CAPN2: variants seen among roughly 807,000 people sequenced by gnomAD.
The protein encoded by CAPN2 is calpain 2, also known as calpain-2 catalytic subunit.
A neutral mutation model predicts 102.3 loss-of-function variants in CAPN2; 92 were observed. The observed-to-expected ratio is 0.90, with a 90% CI of 0.76 to 1.07. CAPN2 has a LOEUF of 1.07. Ranked by LOEUF, CAPN2 falls within the 50% of genes least tolerant of loss-of-function variation. The pLI is 0.00. For synonymous variants in CAPN2, 340 were observed against 355.4 expected, an observed-to-expected ratio of 0.96 and a Z score of 0.49; for missense variants, 800 against 909.4, an observed-to-expected ratio of 0.88 and a Z score of 1.55.
At chr1:223,710,986 A>T (rs899037842), upstream of CAPN2, among the ~76,000 whole-genome samples, 3 of 152,186 alleles carry the variant, frequency 2.0e-5, no homozygotes, top group African/African-American at 7.2e-5. Context: ...ACAGGTGTGC[A>T]TCTTCAACCA....
chr1:223,744,889 A>C (rs544251559), intron 3 of CAPN2, among the ~76,000 whole-genome samples: 6 of 94,736 alleles, frequency 6.3e-5, no homozygotes, highest in African/African-American at 3.5e-4. Context: ...TAAAAACACA[A>C]AAAAAATTAG....
chr1:223,722,281 C>CTTTTTTTTTTTTTTTT (rs34894876), intron 2 of CAPN2, among the ~76,000 whole-genome samples: 13 of 85,510 alleles, frequency 1.5e-4, no homozygotes, highest in East Asian at 8.5e-4. Flanking sequence ...TTCTTTCTTT[C>CTTTTTTTTTTTTTTTT]TTTTTTTTTT....
chr1:223,705,428 A>G (rs955398907), intron 1 of CAPN2, among the ~76,000 whole-genome samples: 2 of 152,176 alleles, frequency 1.3e-5, no homozygotes, highest in Admixed American at 1.3e-4. Flanking sequence ...CTTTCTTACC[A>G]GGTGAACTTG....
chr1:223,740,121 A>G (rs1447772977), intron 2 of CAPN2, among the ~76,000 whole-genome samples: 1 of 152,144 alleles, frequency 6.6e-6, no homozygotes, highest in Non-Finnish European at 1.5e-5. Flanking sequence ...CTAAGTCTAC[A>G]ACTGCTGAGG....
intron 2 of CAPN2, among the ~76,000 whole-genome samples, chr1:223,736,534 G>T (rs1222145): frequency 0.73 from 110,549 of 152,050 alleles, 41,049 homozygotes; most frequent in Admixed American, 0.8. Flanking sequence ...AAAGATACAG[G>T]GGCAAGTTTG....
chr1:223,733,076 T>G (rs941798669), intron 2 of CAPN2, among the ~76,000 whole-genome samples: 4 of 152,146 alleles, frequency 2.6e-5, no homozygotes, highest in Non-Finnish European at 4.4e-5. Context: ...GCACTGGGTG[T>G]AACTGTGACA....
At chr1:223,747,221 C>A in intron 5 of CAPN2, 56 bp downstream of exon 5, 1 of 1,511,800 alleles carries the variant, frequency 6.6e-7, no homozygotes, top group South Asian at 1.3e-5. Context: ...TGAAGGGAGG[C>A]TCCCACAGTG....
chr1:223,721,363 G>C (rs1660047817), intron 2 of CAPN2, among the ~76,000 whole-genome samples: 1 of 152,136 alleles, frequency 6.6e-6, no homozygotes, highest in Admixed American at 6.6e-5. Flanking sequence ...AAACTCCAAG[G>C]CTGAGCTGCT....
intron 18 of CAPN2, 105 bp from the exon 19 acceptor site, chr1:223,771,704 A>G: frequency 1.3e-6 from 1 of 779,264 alleles, no homozygotes. Flanking sequence ...GACAAAAGCA[A>G]TTATACCTCA....
rs1660197128 is a variant in CAPN2 at position 223,726,636 on chromosome 1, G to A, written c.307+8805G>A. ...AGGGAGAAGGGAAAGGAAAGGCCTG[G>A]GACACGTGGTTTGGATCACTGGCTG... is the stretch of plus-strand genomic sequence containing the variant. On this transcript the variant is annotated intron_variant, in intron 2 of 20. Coordinates refer to ENST00000295006, the MANE Select transcript of CAPN2 (RefSeq NM_001748.5). This position sits in a 1 kb window ranked among gnomAD's most constrained non-coding sequence, Gnocchi z 4.4. Among the ~76,000 whole-genome samples, 1 of 152,138 alleles carries A rather than the reference G, an allele frequency of 6.6e-6. No individual in the cohort carries two copies. The highest frequency in any genetic ancestry group is 2.1e-4 in the South Asian group (1 of 4,826).
upstream of CAPN2, among the ~76,000 whole-genome samples, chr1:223,711,784 C>T (rs1018667448): frequency 1.3e-5 from 2 of 152,136 alleles, no homozygotes; most frequent in African/African-American, 2.4e-5. Context: ...TTAGTAGAGA[C>T]GGAATTTCAC....
intron 2 of CAPN2, among the ~76,000 whole-genome samples, chr1:223,737,212 A>C (rs568507370): frequency 7.9e-5 from 12 of 150,998 alleles, no homozygotes; most frequent in African/African-American, 2.9e-4. Context: ...AAGGCAGAAA[A>C]CCCCTCCATT....
At position 223,737,708 on chromosome 1, in the gene CAPN2, G is replaced by C. The variant is rs199835310; in HGVS notation, c.308-6392G>C. 3.2e-4 allele frequency among the ~76,000 whole-genome samples: 7 copies of C among 21,856 alleles called. 1 individual carries two copies. The highest frequency in any genetic ancestry group is 6.3e-4 in the Non-Finnish European group (3 of 4,782). The allele number at this position is 21,856 out of a possible 152,430, so 14.3% of individuals were successfully genotyped here. On this transcript the variant is annotated intron_variant, in intron 2 of 20. Transcript: ENST00000295006. ...AAGGCCTGACCAAAAGAGACGGGGC[G>C]GGGGGTGGGGGGGAGAGAATACAAT...
At chr1:223,719,464 A>C (rs532621097) in intron 2 of CAPN2, among the ~76,000 whole-genome samples, 93 of 152,216 alleles carry the variant, frequency 6.1e-4, no homozygotes, top group African/African-American at 2.2e-3. Flanking sequence ...GCTTGAACCC[A>C]GGAGGCAGAG....
In CAPN2 at chr1:223,752,468, A is replaced by G. The variant is rs537871727; in HGVS notation, c.975-328A>G. Among the ~76,000 whole-genome samples the G allele has an allele frequency of 7.7e-4, 117 of 152,350 alleles. 1 individual carries two copies. The highest frequency in any genetic ancestry group is 1.5e-3 in the Non-Finnish European group (104 of 68,042). On this transcript the variant is annotated intron_variant, in intron 8 of 20. Transcript: ENST00000295006. ...CATGTCTGTGTGTCTGCGCCACTCT[A>G]TAACCACCTGCACCTGGACACAACA...
intron 6 of CAPN2, chr1:223,749,420 A>G: frequency 2.0e-6 from 1 of 512,774 alleles, no homozygotes; most frequent in Non-Finnish European, 3.5e-6. Flanking sequence ...TAAGCTAAAA[A>G]TAATAAAACA....
intron 2 of CAPN2, among the ~76,000 whole-genome samples, chr1:223,735,299 G>A (rs542205435): frequency 1.3e-5 from 2 of 152,198 alleles, no homozygotes; most frequent in South Asian, 4.1e-4. Context: ...TGGCCAAGGC[G>A]GGTGGATCAC....
At chr1:223,712,938 C>G in intron 1 of CAPN2, 61 bp downstream of exon 1, 1 of 1,201,346 alleles carries the variant, frequency 8.3e-7, no homozygotes, top group Non-Finnish European at 1.1e-6. Flanking sequence ...GGGTGCAGGC[C>G]GGCCCGCGGC....
chr1:223,719,840 G>GCA (rs1660004006), intron 2 of CAPN2, among the ~76,000 whole-genome samples: 5 of 152,040 alleles, frequency 3.3e-5, no homozygotes, highest in South Asian at 2.1e-4. Context: ...GTGCGCGCGC[G>GCA]CGCGTATAAT....
Sources: gnomAD v4.1 joint callset for allele counts (sites outside exome capture counted in the v4.1 genomes callset) on GRCh38, gnomAD v4.1.1 for gene constraint, Gnocchi (gnomAD v3.1) non-coding constraint, MANE v1.5 for transcripts, NCBI Gene and HGNC (gene_info 2026-07-23, HGNC 2026-07-21) for gene names.